Variants in APP observed in about 807,000 individuals in gnomAD.
APP encodes amyloid beta precursor protein.
In APP, 31 loss-of-function variants were observed where a neutral mutation model predicts 101.4. The observed-to-expected ratio is 0.31, with a 90% CI of 0.23 to 0.41. APP has a LOEUF of 0.41. Ranked by LOEUF, APP falls within the 10% of genes least tolerant of loss-of-function variation. The probability of loss-of-function intolerance (pLI) is 1.00; values close to 1 mark genes in which losing one functional copy is unlikely to be tolerated. For synonymous variants in APP, 366 were observed against 364.4 expected, an observed-to-expected ratio of 1.00 and a Z score of -0.05; for missense variants, 839 against 1,003.7, an observed-to-expected ratio of 0.84 and a Z score of 2.22.
intron 5 of APP, among the ~76,000 whole-genome samples, chr21:26,036,124 A>G (rs894764126): frequency 2.0e-5 from 3 of 152,192 alleles, no homozygotes; most frequent in Non-Finnish European, 4.4e-5. Flanking sequence ...AAGGGCATGG[A>G]TTACAGCAAT....
rs572044623 is a variant in APP at position 25,890,600 on chromosome 21, A to G, written c.2211+1122T>C. Among the ~76,000 whole-genome samples, 4 of 151,928 alleles carry G rather than the reference A, an allele frequency of 2.6e-5. No individual in the cohort carries two copies. The East Asian group carries it at 7.8e-4, about 29-fold the overall frequency. On this transcript the variant is annotated intron_variant, in intron 17 of 17. Coordinates refer to ENST00000346798, the MANE Select transcript of APP (RefSeq NM_000484.4). ...TACTAAAAACAAAAATTAGCCGGGC[A>G]TGGTGGCGTGTGCCCATAGTCCCAG...
chr21:26,038,518 C>T (rs2045226503), intron 5 of APP, among the ~76,000 whole-genome samples: 1 of 152,172 alleles, frequency 6.6e-6, no homozygotes, highest in African/African-American at 2.4e-5. Flanking sequence ...AATCCCAGCA[C>T]TTTGGGAGCC....
chr21:25,985,929 G>A (rs1334989975), intron 8 of APP, among the ~76,000 whole-genome samples: 2 of 152,142 alleles, frequency 1.3e-5, no homozygotes, highest in African/African-American at 4.8e-5. Flanking sequence ...GATAGCATAT[G>A]CTGATATTGT....
chr21:26,033,593 G>A (rs886888008), intron 5 of APP, among the ~76,000 whole-genome samples: 8 of 152,198 alleles, frequency 5.3e-5, no homozygotes, highest in East Asian at 1.9e-4. Context: ...GCTCTTTTAT[G>A]AAGGGCTTTG....
chr21:26,097,352 G>A (rs1395873285), intron 2 of APP, among the ~76,000 whole-genome samples: 1 of 152,024 alleles, frequency 6.6e-6, no homozygotes, highest in Non-Finnish European at 1.5e-5. Flanking sequence ...GCAAACCCTG[G>A]GATAGCACAG....
intron 3 of APP, among the ~76,000 whole-genome samples, chr21:26,054,592 A>G (rs1276252654): frequency 1.4e-5 from 2 of 140,074 alleles, no homozygotes; most frequent in Non-Finnish European, 3.1e-5. Flanking sequence ...TTTGGATGCC[A>G]TTTTGGAAGA....
chr21:25,999,921 T>G lies in APP; in HGVS notation c.1033+94A>C. 3 of 1,443,456 alleles carry G rather than the reference T, an allele frequency of 2.1e-6. No individual in the cohort carries two copies. The South Asian group carries it at 3.7e-5, about 18-fold the overall frequency. The allele number at this position is 1,443,456 out of a possible 1,614,324, so 89.4% of individuals were successfully genotyped here. On this transcript the variant is annotated intron_variant, in intron 7 of 17. Coordinates refer to ENST00000346798, the MANE Select transcript of APP (RefSeq NM_000484.4). ...GTGGTTAGTGGTAGCAACAGGCCCA[T>G]TCCCAAGAACCAGGAAAATCAATCT...
intron 3 of APP, among the ~76,000 whole-genome samples, chr21:26,085,053 T>C (rs187732897): frequency 1.3e-5 from 2 of 152,314 alleles, no homozygotes; most frequent in East Asian, 1.9e-4. Context: ...TCATAGAAAA[T>C]TGCTTAAATA....
chr21:25,973,942 T>TAAAAAAAA (rs1568789777), intron 11 of APP, among the ~76,000 whole-genome samples: 5 of 73,656 alleles, frequency 6.8e-5, no homozygotes, highest in African/African-American at 6.0e-4. Context: ...TCCATCTCAT[T>TAAAAAAAA]TAAAAAAAAA....
chr21:25,993,290 A>G (rs1198537361), intron 8 of APP, among the ~76,000 whole-genome samples: 1 of 284 alleles, frequency 3.5e-3, no homozygotes, highest in Non-Finnish European at 7.4e-3. Context: ...TGCACAAACT[A>G]TAAGGCCATC....
At chr21:25,946,970 A>C (rs1212862873) in intron 13 of APP, among the ~76,000 whole-genome samples, 1 of 152,224 alleles carries the variant, frequency 6.6e-6, no homozygotes, top group Non-Finnish European at 1.5e-5. Context: ...TTAAAAAAGG[A>C]AACTTTTTTT....
In APP at chr21:25,954,596, C is replaced by T. The variant is rs1399743843; in HGVS notation, c.1681G>A (p.Glu561Lys). The T allele has an allele frequency of 1.2e-6, 2 of 1,613,176 alleles. No homozygotes were observed. The highest frequency in any genetic ancestry group is 2.2e-5 in the South Asian group (2 of 90,986). Reference sequence around the variant, plus strand: ...AAAAGAACAGCTTACTTACCAACTTCATCCTGAATCTCCTCGGCCACTGCA... The same window carrying T: ...AAAAGAACAGCTTACTTACCAACTTTATCCTGAATCTCCTCGGCCACTGCA... ...VPAVAEEIQDEVDELLQKEQN... is the reference protein window; with the variant it reads ...VPAVAEEIQDKVDELLQKEQN... The change falls in exon 13 of 18, where the codon GAA becomes AAA. Residue 561 changes from glutamate to lysine, a missense_variant. Physicochemically the swap from Glu to Lys is moderately conservative, Grantham distance 56. Coordinates refer to ENST00000346798, the MANE Select transcript of APP (RefSeq NM_000484.4).
chr21:25,933,366 G>A (rs952593038), intron 13 of APP, among the ~76,000 whole-genome samples: 4 of 152,230 alleles, frequency 2.6e-5, no homozygotes, highest in African/African-American at 9.6e-5. Flanking sequence ...GCCTTCCCAA[G>A]TGCTGGGACT....
intron 1 of APP, among the ~76,000 whole-genome samples, chr21:26,119,990 T>C (rs776761614): frequency 7.9e-5 from 12 of 152,240 alleles, no homozygotes; most frequent in Non-Finnish European, 1.6e-4. Context: ...ATTATTCCTC[T>C]TCATTTTTGG....
intron 13 of APP, among the ~76,000 whole-genome samples, chr21:25,917,964 A>T (rs1203580304): frequency 6.6e-6 from 1 of 152,158 alleles, no homozygotes; most frequent in African/African-American, 2.4e-5. Context: ...GAGAAATGCA[A>T]ATCAAAACCA....
intron 1 of APP, among the ~76,000 whole-genome samples, chr21:26,164,206 C>T (rs892378875): frequency 6.6e-6 from 1 of 152,234 alleles, no homozygotes; most frequent in Admixed American, 6.5e-5. Context: ...GATCGCACCA[C>T]TGCATTCCAG....
intron 2 of APP, among the ~76,000 whole-genome samples, chr21:26,103,363 C>G (rs1484542830): frequency 1.3e-5 from 2 of 152,126 alleles, no homozygotes; most frequent in African/African-American, 4.8e-5. Flanking sequence ...AATCCCAGCA[C>G]TTTGGGAGGC....
At chr21:26,163,359 C>T (rs1023984999) in intron 1 of APP, among the ~76,000 whole-genome samples, 1 of 151,368 alleles carries the variant, frequency 6.6e-6, no homozygotes. Context: ...AAAAAGGAAC[C>T]ATCTGGAAAT....
intron 4 of APP, among the ~76,000 whole-genome samples, chr21:26,052,800 T>G (rs543331470): frequency 4.5e-4 from 68 of 152,242 alleles, no homozygotes; most frequent in Non-Finnish European, 9.4e-4. Flanking sequence ...AAATTGTATA[T>G]GACAAAAGAA....
Sources: gnomAD v4.1 joint callset for allele counts (sites outside exome capture counted in the v4.1 genomes callset) on GRCh38, gnomAD v4.1.1 for gene constraint, MANE v1.5 for transcripts, NCBI Gene and HGNC (gene_info 2026-07-23, HGNC 2026-07-21) for gene names.